CASR: variants seen among roughly 807,000 people sequenced by gnomAD.
CASR encodes the protein extracellular calcium-sensing receptor.
CASR carries 23 observed loss-of-function variants against 69.1 expected under a neutral mutation model. That is an observed-to-expected ratio of 0.33 (90% CI 0.24 to 0.47). CASR has a LOEUF of 0.47. Ranked by LOEUF, CASR falls within the 20% of genes least tolerant of loss-of-function variation. The pLI is 1.00. For missense variants in CASR, 924 were observed against 1,356.1 expected (o/e 0.68, Z 5.00); for synonymous variants, 541 against 544.7 (o/e 0.99, Z 0.10).
chr3:122,233,345 C>G (rs1170873439), intron 1 of CASR, among the ~76,000 whole-genome samples: 1 of 152,244 alleles, frequency 6.6e-6, no homozygotes, highest in Non-Finnish European at 1.5e-5. Flanking sequence ...CCACCCTACA[C>G]TTTGCTCTCC....
At chr3:122,261,496 C>T in intron 3 of CASR, 32 bp from the exon 4 acceptor site, 1 of 1,609,126 alleles carries the variant, frequency 6.2e-7, no homozygotes. Flanking sequence ...CTCACTCACT[C>T]ACTCATTCAC....
At chr3:122,213,197 T>A (rs1006244808) in intron 1 of CASR, among the ~76,000 whole-genome samples, 35 of 152,196 alleles carry the variant, frequency 2.3e-4, no homozygotes, top group Non-Finnish European at 3.8e-4. Flanking sequence ...ATCACATGTA[T>A]TTCCATTGTT....
At chr3:122,274,709 G>A (rs760743433) in intron 4 of CASR, among the ~76,000 whole-genome samples, 42 of 152,274 alleles carry the variant, frequency 2.8e-4, no homozygotes, top group East Asian at 5.8e-4. Flanking sequence ...TGAGACCAGC[G>A]TAGGCAACAT....
At chr3:122,192,282 C>CA (rs1417893420) in intron 1 of CASR, among the ~76,000 whole-genome samples, 6 of 152,214 alleles carry the variant, frequency 3.9e-5, no homozygotes, top group Admixed American at 2.0e-4. Context: ...GGAACCTCTC[C>CA]AGGCTCTACT....
intron 1 of CASR, among the ~76,000 whole-genome samples, chr3:122,201,527 G>C (rs1345438344): frequency 6.6e-6 from 1 of 152,256 alleles, no homozygotes; most frequent in Non-Finnish European, 1.5e-5. Flanking sequence ...ACACCTCCCA[G>C]ACGGGGTGGT....
At position 122,283,868 on chromosome 3, in the gene CASR, C is replaced by T. The variant is rs758587851; in HGVS notation, c.1914C>T (p.Arg638=). 7.4e-6 allele frequency: 12 copies of T among 1,614,000 alleles called. No homozygotes were observed. The South Asian group carries it at 1.2e-4, about 16-fold the overall frequency. ...AFVLGVFIKF[R]NTPIVKATNR... is the part of the protein sequence containing the mutation. Reference sequence around the variant, plus strand: ...TGCTGGGTGTGTTTATCAAGTTCCGCAACACACCCATTGTCAAGGCCACCA... The same window carrying T: ...TGCTGGGTGTGTTTATCAAGTTCCGTAACACACCCATTGTCAAGGCCACCA... The change falls in exon 7 of 7, where the codon CGC becomes CGT. Residue 638 remains arginine, a synonymous_variant. Transcript: ENST00000639785.
At chr3:122,232,686 C>T (rs1464440669) in intron 1 of CASR, among the ~76,000 whole-genome samples, 1 of 152,158 alleles carries the variant, frequency 6.6e-6, no homozygotes, top group African/African-American at 2.4e-5. Context: ...CAGGTAACAG[C>T]TCACATGTTC....
intron 4 of CASR, among the ~76,000 whole-genome samples, chr3:122,273,062 T>C (rs1352187579): frequency 6.6e-6 from 1 of 152,134 alleles, no homozygotes; most frequent in African/African-American, 2.4e-5. Flanking sequence ...AGAGAACTAG[T>C]GGACAAAGGA....
chr3:122,191,305 GT>G (rs1353723448), intron 1 of CASR, among the ~76,000 whole-genome samples: 1 of 152,008 alleles, frequency 6.6e-6, no homozygotes, highest in Non-Finnish European at 1.5e-5. Flanking sequence ...GGGTTTTTTT[GT>G]TTTTTGTTTC....
rs1312476579 is a variant in CASR at position 122,236,100 on chromosome 3, T to C, written c.-242-17848T>C. Among the ~76,000 whole-genome samples, 4 of 152,218 alleles carry C rather than the reference T, an allele frequency of 2.6e-5. No individual in the cohort carries two copies. The East Asian group carries it at 7.7e-4, about 29-fold the overall frequency. On this transcript the variant is annotated intron_variant, in intron 1 of 6. Transcript: ENST00000639785. ...CATGCCCAACAGATAGGAGGCTCTT[T>C]TTACAGTAACAAGAAGTTTCTTTCT... is the stretch of plus-strand genomic sequence containing the variant.
At chr3:122,224,648 T>C (rs2107604061) in intron 1 of CASR, among the ~76,000 whole-genome samples, 1 of 152,148 alleles carries the variant, frequency 6.6e-6, no homozygotes, top group East Asian at 1.9e-4. Flanking sequence ...ATGCTATTCC[T>C]ATCAAACCAC....
chr3:122,199,431 A>T (rs949202211), intron 1 of CASR, among the ~76,000 whole-genome samples: 1 of 152,166 alleles, frequency 6.6e-6, no homozygotes, highest in Non-Finnish European at 1.5e-5. Context: ...GAATTATTGT[A>T]TTTGCAGTGG....
intron 3 of CASR, among the ~76,000 whole-genome samples, chr3:122,259,712 C>A (rs2074598352): frequency 6.8e-6 from 1 of 147,960 alleles, no homozygotes; most frequent in South Asian, 2.1e-4. Context: ...TCACTGCAAG[C>A]TCTGCCTCCC....
intron 5 of CASR, 147 bp from the exon 6 acceptor site, chr3:122,281,966 A>C: frequency 1.9e-6 from 2 of 1,070,090 alleles, no homozygotes; most frequent in Non-Finnish European, 2.8e-6. Context: ...GGACCTCTGG[A>C]CCTCCCTTTG....
chr3:122,219,011 T>C (rs534966403), intron 1 of CASR, among the ~76,000 whole-genome samples: 1 of 152,292 alleles, frequency 6.6e-6, no homozygotes, highest in South Asian at 2.1e-4. Context: ...TCTTGATGTA[T>C]TCCAGGAATA....
chr3:122,191,491 T>C (rs975413690), intron 1 of CASR, among the ~76,000 whole-genome samples: 2 of 152,030 alleles, frequency 1.3e-5, no homozygotes, highest in African/African-American at 4.8e-5. Flanking sequence ...TTTGTGTTTT[T>C]AGTAGAGACG....
Position 122,257,397 on chromosome 3 carries a change from C to T in CASR, c.492+10C>T, listed in dbSNP as rs906977634. The T allele has an allele frequency of 2.7e-5, 43 of 1,608,472 alleles. No individual in the cohort carries two copies. Among genetic ancestry groups the T allele is most frequent in the Non-Finnish European group, 3.3e-5 (39 of 1,175,700 alleles). ...CTTCTACATTCCCCAGGTACTCAAG[C>T]CTTCTCAGGCGGGGCACTGGGAGCA... On this transcript the variant is annotated intron_variant, in intron 3 of 6. Transcript: ENST00000639785.
intron 4 of CASR, among the ~76,000 whole-genome samples, chr3:122,266,907 G>A (rs2074701452): frequency 6.6e-6 from 1 of 152,190 alleles, no homozygotes; most frequent in African/African-American, 2.4e-5. Flanking sequence ...AGGAGGCTGA[G>A]GCAGGAGAAT....
rs1193106889 is a variant in CASR, at chr3:122,288,102, T to G, written c.*2911T>G. ...AGCTGACCTTGAGATAGGAAGAGCG[T>G]CCCAAATTATCCAGGTGGGTCCAGT... On this transcript the variant is annotated 3_prime_UTR_variant, in exon 7 of 7. Coordinates refer to ENST00000639785, the MANE Select transcript of CASR (RefSeq NM_000388.4). The G allele has an allele frequency of 6.6e-6, 1 of 152,182 alleles. No homozygotes were observed. The highest frequency in any genetic ancestry group is 1.5e-5 in the Non-Finnish European group (1 of 68,052). 9.4% of individuals were successfully genotyped at this position (152,182 alleles called of 1,614,324 possible).
Sources: gnomAD v4.1 joint callset for allele counts (sites outside exome capture counted in the v4.1 genomes callset) on GRCh38, gnomAD v4.1.1 for gene constraint, MANE v1.5 for transcripts, NCBI Gene and HGNC (gene_info 2026-07-23, HGNC 2026-07-21) for gene names.